Variants in NUDT21 observed in about 807,000 individuals in gnomAD.
NUDT21 encodes the protein cleavage and polyadenylation specificity factor subunit 5.
NUDT21 carries 5 observed loss-of-function variants against 29.8 expected under a neutral mutation model. The observed-to-expected ratio is 0.17, with a 90% CI of 0.09 to 0.35. The LOEUF (loss-of-function observed/expected upper bound fraction) is 0.35. Among genes scored for constraint, NUDT21 ranks in the 10% least tolerant of loss-of-function variants. The pLI, the probability that NUDT21 is intolerant of heterozygous loss-of-function variation, is 1.00. For missense variants in NUDT21, 76 were observed against 276.0 expected, an observed-to-expected ratio of 0.28 and a Z score of 5.13; for synonymous variants, 113 against 98.5, an observed-to-expected ratio of 1.15 and a Z score of -0.87.
In NUDT21 at chr16:56,443,170, A is replaced by G. The variant is rs141821257; in HGVS notation, c.382-3424T>C. 6.6e-5 allele frequency among the ~76,000 whole-genome samples: 10 copies of G among 151,188 alleles called. 1 individual carries two copies. Among genetic ancestry groups the G allele is most frequent in the Admixed American group, 2.6e-4 (4 of 15,228 alleles). On this transcript the variant is annotated intron_variant, in intron 3 of 6. Coordinates refer to ENST00000300291, the MANE Select transcript of NUDT21 (RefSeq NM_007006.3). ...TGTGTGCATGAGTGATAGGACTACA[A>G]TATTTTTTTTTCTTTTTTTTTTTTG...
At chr16:56,450,533 G>A (rs1275634491) in intron 1 of NUDT21, among the ~76,000 whole-genome samples, 2 of 152,206 alleles carry the variant, frequency 1.3e-5, no homozygotes, top group African/African-American at 2.4e-5. Context: ...AAGGCATGGG[G>A]CAGGGCAGAC....
At chr16:56,444,627 A>AAAAC (rs1962197975) in intron 3 of NUDT21, among the ~76,000 whole-genome samples, 1 of 151,540 alleles carries the variant, frequency 6.6e-6, no homozygotes, top group South Asian at 2.1e-4. Context: ...AAACAAAAAA[A>AAAAC]AAAAAAAACA....
At chr16:56,436,921 G>T (rs113524103) in intron 4 of NUDT21, among the ~76,000 whole-genome samples, 1 of 152,188 alleles carries the variant, frequency 6.6e-6, no homozygotes, top group South Asian at 2.1e-4. Context: ...AGTGGTAGGG[G>T]AGATGAGTGA....
intron 3 of NUDT21, among the ~76,000 whole-genome samples, chr16:56,444,401 C>G (rs895081272): frequency 2.0e-5 from 3 of 151,618 alleles, no homozygotes; most frequent in Non-Finnish European, 4.4e-5. Context: ...CTGGCCGACA[C>G]GGTGAAACCC....
At chr16:56,445,490 C>A (rs1319411598) in intron 3 of NUDT21, among the ~76,000 whole-genome samples, 2 of 152,190 alleles carry the variant, frequency 1.3e-5, no homozygotes, top group Non-Finnish European at 2.9e-5. Flanking sequence ...ACTATAGTCA[C>A]CCTGTTGTGC....
chr16:56,450,871 A>G (rs1247804687), intron 1 of NUDT21, among the ~76,000 whole-genome samples: 5 of 152,230 alleles, frequency 3.3e-5, no homozygotes, highest in Admixed American at 3.3e-4. Flanking sequence ...AATACATAGG[A>G]TGGGAACAAG....
At chr16:56,438,616 T>C (rs955197536) in intron 4 of NUDT21, among the ~76,000 whole-genome samples, 9 of 152,162 alleles carry the variant, frequency 5.9e-5, no homozygotes, top group Non-Finnish European at 5.9e-5. Flanking sequence ...ATAGATTATA[T>C]ACCGCCTATG....
intron 4 of NUDT21, among the ~76,000 whole-genome samples, chr16:56,437,466 T>TTG (rs144470944): frequency 6.6e-6 from 1 of 152,150 alleles, no homozygotes; most frequent in Non-Finnish European, 1.5e-5. Context: ...AACATGCTTT[T>TTG]TGTGTGTGTG....
intron 5 of NUDT21, 129 bp downstream of exon 5, chr16:56,434,625 T>C (rs1962073973): frequency 2.5e-6 from 2 of 794,988 alleles, no homozygotes; most frequent in East Asian, 2.5e-5. Context: ...ACTAAAAGCA[T>C]GGTATACATC....
In NUDT21 at chr16:56,431,293, A is replaced by C. The variant is rs531678191; in HGVS notation, c.*1419T>G. The C allele has an allele frequency of 6.6e-6, 1 of 152,374 alleles. No homozygotes were observed. The highest frequency in any genetic ancestry group is 6.5e-5 in the Admixed American group (1 of 15,310). 9.4% of individuals were successfully genotyped at this position (152,374 alleles called of 1,614,324 possible). On this transcript the variant is annotated 3_prime_UTR_variant, in exon 7 of 7. Coordinates refer to ENST00000300291, the MANE Select transcript of NUDT21 (RefSeq NM_007006.3). ...ATTCACAGAACTAGTGGCTTTTTCAAAGGAAACTGGGGCATTTTTGATCAT... is the reference window on the plus strand; with the variant it reads ...ATTCACAGAACTAGTGGCTTTTTCACAGGAAACTGGGGCATTTTTGATCAT...
intron 2 of NUDT21, chr16:56,447,548 G>C (rs920976253): frequency 4.1e-6 from 2 of 488,404 alleles, no homozygotes; most frequent in Non-Finnish European, 7.4e-6. Flanking sequence ...CTATTCCATG[G>C]GGTTTCTACC....
At chr16:56,438,367 A>G (rs1596954903) in intron 4 of NUDT21, among the ~76,000 whole-genome samples, 1 of 152,246 alleles carries the variant, frequency 6.6e-6, no homozygotes, top group Non-Finnish European at 1.5e-5. Flanking sequence ...CCTTGAGACA[A>G]CAGCCAGCAA....
chr16:56,449,232 T>TATCAG (rs537371147), intron 1 of NUDT21: 11 of 152,222 alleles, frequency 7.2e-5, no homozygotes, highest in Non-Finnish European at 1.6e-4. Context: ...AGCTCCAATA[T>TATCAG]ATCAGTAAGG....
chr16:56,432,861 C>A, intron 6 of NUDT21, 128 bp from the exon 7 acceptor site: 1 of 610,782 alleles, frequency 1.6e-6, no homozygotes, highest in Non-Finnish European at 2.7e-6. Context: ...TTTTCCCCTT[C>A]GAATGCCTTT....
At position 56,436,020 on chromosome 16, in the gene NUDT21, A is replaced by G. The variant is rs558114882; in HGVS notation, c.472-1191T>C. Among the ~76,000 whole-genome samples, 713 of 147,754 alleles carry G rather than the reference A, an allele frequency of 4.8e-3. 4 individuals carry two copies. Among genetic ancestry groups the G allele is most frequent in the Non-Finnish European group, 7.8e-3 (521 of 67,068 alleles). The stretch of plus-strand genomic sequence containing the variant: ...AGGAAACAAATATAAAAATATATAT[A>G]TAATATATATGTATATTTTAGAGAA... On this transcript the variant is annotated intron_variant, in intron 4 of 6. Transcript: ENST00000300291.
At position 56,432,579 on chromosome 16, in the gene NUDT21, T is replaced by C. The variant is rs979618453; in HGVS notation, c.*133A>G. 1.3e-5 allele frequency: 7 copies of C among 554,496 alleles called. No individual in the cohort carries two copies. Among genetic ancestry groups the C allele is most frequent in the South Asian group, 3.9e-5 (1 of 25,482 alleles). 34.3% of individuals were successfully genotyped at this position (554,496 alleles called of 1,614,324 possible). ...CATATTAATTTTACTATTCAAACAA[T>C]AGAAAGGTGGCAATTTAGGGATCGC... On this transcript the variant is annotated 3_prime_UTR_variant, in exon 7 of 7. Transcript: ENST00000300291.
intron 6 of NUDT21, among the ~76,000 whole-genome samples, chr16:56,433,878 G>C (rs1413565329): frequency 6.6e-6 from 1 of 151,900 alleles, no homozygotes; most frequent in Non-Finnish European, 1.5e-5. Flanking sequence ...GTAGAGATGG[G>C]GTTTCACCAT....
intron 3 of NUDT21, among the ~76,000 whole-genome samples, chr16:56,443,653 CA>C (rs1293422706): frequency 6.6e-6 from 1 of 152,132 alleles, no homozygotes; most frequent in Non-Finnish European, 1.5e-5. Context: ...ACCCTTCCTC[CA>C]TCAGGAATGG....
intron 3 of NUDT21, among the ~76,000 whole-genome samples, chr16:56,444,684 T>G (rs575406137): frequency 6.6e-6 from 1 of 151,656 alleles, no homozygotes; most frequent in East Asian, 1.9e-4. Context: ...TCCAAGAGTC[T>G]GACTATTCAG....
Sources: allele counts gnomAD v4.1 joint callset (sites outside exome capture counted in the v4.1 genomes callset), GRCh38; gene constraint gnomAD v4.1.1; transcripts MANE v1.5; gene names NCBI Gene and HGNC (gene_info 2026-07-23, HGNC 2026-07-21).